The following DLGAP1 variants were observed in gnomAD, a reference collection of about 807,000 sequenced individuals.
The protein encoded by DLGAP1 is disks large-associated protein 1.
A neutral mutation model predicts 90.8 loss-of-function variants in DLGAP1; 11 were observed. The ratio of observed to expected loss-of-function variants is 0.12; its 90% CI spans 0.08 to 0.20. The LOEUF (loss-of-function observed/expected upper bound fraction) is 0.20. Ranked by LOEUF, DLGAP1 falls within the 10% of genes least tolerant of loss-of-function variation. DLGAP1 has a pLI of 1.00. For missense variants in DLGAP1, 1,050 were observed against 1,333.8 expected, an observed-to-expected ratio of 0.79 and a Z score of 3.31; for synonymous variants, 558 against 540.7, an observed-to-expected ratio of 1.03 and a Z score of -0.44.
At chr18:3,609,820 G>A (rs1212321721) in intron 7 of DLGAP1, among the ~76,000 whole-genome samples, 1 of 151,708 alleles carries the variant, frequency 6.6e-6, no homozygotes, top group Non-Finnish European at 1.5e-5. Flanking sequence ...CACTTTGGGA[G>A]GCCGAGGTGG....
chr18:3,860,795 G>A (rs929195416), intron 4 of DLGAP1, among the ~76,000 whole-genome samples: 2 of 152,164 alleles, frequency 1.3e-5, no homozygotes, highest in African/African-American at 4.8e-5. Context: ...GGGGGATATA[G>A]GGCTGAACTA....
intron 2 of DLGAP1, among the ~76,000 whole-genome samples, chr18:4,119,699 TA>T (rs896984838): frequency 6.6e-6 from 1 of 151,732 alleles, no homozygotes. Context: ...AAGCACTCTT[TA>T]AAAAAAAATC....
In DLGAP1 at chr18:3,625,312, C is replaced by A. The variant is rs114345278; in HGVS notation, c.1592-43064G>T. On this transcript the variant is annotated intron_variant, in intron 7 of 12. Transcript: ENST00000315677. ...ACAGACAGTTTCTGTCCTCCCACCC[C>A]GTGAGAGGTTGTGTGTGTGTTTGCG... is the stretch of plus-strand genomic sequence containing the variant. 5.9e-5 allele frequency among the ~76,000 whole-genome samples: 9 copies of A among 152,110 alleles called. No homozygotes were observed. The East Asian group carries it at 1.7e-3, about 29-fold the overall frequency.
At chr18:3,986,131 CTGG>C (rs2073837281) in intron 3 of DLGAP1, 1 of 152,238 alleles carries the variant, frequency 6.6e-6, no homozygotes, top group Non-Finnish European at 1.5e-5. Context: ...AATTCTCCCA[CTGG>C]GGCACCCGGC....
chr18:3,596,627 GCTGT>G (rs923113086), intron 7 of DLGAP1: 3 of 299,170 alleles, frequency 1.0e-5, no homozygotes, highest in Admixed American at 1.1e-4. Flanking sequence ...ATCAGGCACT[GCTGT>G]CTGTCTGTTC....
At chr18:4,061,977 A>G (rs1177932177) in intron 2 of DLGAP1, among the ~76,000 whole-genome samples, 1 of 152,136 alleles carries the variant, frequency 6.6e-6, no homozygotes, top group East Asian at 1.9e-4. Context: ...TAAAATGGAG[A>G]GGAAAGAACT....
chr18:4,192,011 A>G (rs563510533), intron 1 of DLGAP1, among the ~76,000 whole-genome samples: 2 of 152,326 alleles, frequency 1.3e-5, no homozygotes, highest in African/African-American at 4.8e-5. Context: ...TAGGACTCAT[A>G]GTAAAGATAT....
chr18:4,246,632 A>G (rs2078657951), intron 1 of DLGAP1, among the ~76,000 whole-genome samples: 1 of 152,032 alleles, frequency 6.6e-6, no homozygotes, highest in Non-Finnish European at 1.5e-5. Context: ...CCACACACCC[A>G]CCCTCTATCC....
At chr18:3,714,641 T>G (rs58481584) in intron 7 of DLGAP1, among the ~76,000 whole-genome samples, 17 of 13,702 alleles carry the variant, frequency 1.2e-3, no homozygotes, top group African/African-American at 0.012. Context: ...ATTACGTGGT[T>G]TTTTTTTTTT....
At chr18:3,629,615 T>G (rs1362265779) in intron 7 of DLGAP1, among the ~76,000 whole-genome samples, 3 of 151,838 alleles carry the variant, frequency 2.0e-5, no homozygotes, top group Admixed American at 1.3e-4. Flanking sequence ...GAGCTTGCAG[T>G]GAGCCGAGAT....
chr18:3,846,576 A>G (rs1247231440), intron 4 of DLGAP1, among the ~76,000 whole-genome samples: 1 of 152,210 alleles, frequency 6.6e-6, no homozygotes, highest in Non-Finnish European at 1.5e-5. Flanking sequence ...AAAGGATTAA[A>G]AGTGTAGTAT....
intron 8 of DLGAP1, among the ~76,000 whole-genome samples, chr18:3,572,608 C>A (rs2054878093): frequency 1.3e-5 from 2 of 152,144 alleles, no homozygotes; most frequent in Non-Finnish European, 2.9e-5. Context: ...TGCCATCATG[C>A]CTGGCTAATT....
chr18:3,944,943 T>C (rs2072847996), intron 3 of DLGAP1, among the ~76,000 whole-genome samples: 1 of 152,130 alleles, frequency 6.6e-6, no homozygotes. Flanking sequence ...CCAAGTTTGG[T>C]TTCCTTAAAT....
intron 1 of DLGAP1, among the ~76,000 whole-genome samples, chr18:4,187,929 C>T (rs1818769): frequency 0.18 from 26,954 of 152,028 alleles, 2,945 homozygotes; most frequent in Admixed American, 0.27. Flanking sequence ...CCCTGGGAGG[C>T]AGAGGTTGCA....
chr18:3,821,270 C>G (rs1841180094), intron 4 of DLGAP1, among the ~76,000 whole-genome samples: 1 of 110,932 alleles, frequency 9.0e-6, no homozygotes, highest in Non-Finnish European at 1.6e-5. Context: ...AGCTGGCCGA[C>G]AGAGTGAGAC....
intron 2 of DLGAP1, among the ~76,000 whole-genome samples, chr18:4,051,080 T>C (rs2075127449): frequency 6.6e-6 from 1 of 152,222 alleles, no homozygotes; most frequent in Non-Finnish European, 1.5e-5. Context: ...ACAGTTTGTG[T>C]GTTTGAAACT....
At chr18:3,802,151 A>AT (rs1356931531) in intron 5 of DLGAP1, among the ~76,000 whole-genome samples, 21 of 152,050 alleles carry the variant, frequency 1.4e-4, no homozygotes, top group African/African-American at 4.3e-4. Context: ...TGCCTGGCTA[A>AT]TTTTTGTATT....
intron 5 of DLGAP1, among the ~76,000 whole-genome samples, chr18:3,795,314 C>A (rs117954143): frequency 0.012 from 1,849 of 152,176 alleles, 29 homozygotes; most frequent in Non-Finnish European, 0.017. Flanking sequence ...CATCTGTTTT[C>A]TTTTCTCTTT....
At chr18:4,194,796 T>C (rs1211797544) in intron 1 of DLGAP1, among the ~76,000 whole-genome samples, 1 of 152,206 alleles carries the variant, frequency 6.6e-6, no homozygotes, top group Non-Finnish European at 1.5e-5. Flanking sequence ...TAAATATTTT[T>C]GAGTAACAAA....
Sources: gnomAD v4.1 joint callset for allele counts (sites outside exome capture counted in the v4.1 genomes callset) on GRCh38, gnomAD v4.1.1 for gene constraint, MANE v1.5 for transcripts, NCBI Gene and HGNC (gene_info 2026-07-23, HGNC 2026-07-21) for gene names.